CSMD1: variants seen among roughly 807,000 people sequenced by gnomAD.
CSMD1 encodes the protein CUB and Sushi multiple domains 1, also known as CUB and sushi domain-containing protein 1.
In CSMD1, 213 loss-of-function variants were observed where a neutral mutation model predicts 417.5. The observed-to-expected ratio is 0.51, with a 90% CI of 0.46 to 0.57. CSMD1 has a LOEUF of 0.57. Among genes scored for constraint, CSMD1 ranks in the 20% least tolerant of loss-of-function variants. The pLI is 0.00. For synonymous variants in CSMD1, 2,862 were observed against 1,736.8 expected (o/e 1.65, Z -16.11); for missense variants, 6,923 against 4,529.7 (o/e 1.53, Z -15.17).
At chr8:4,090,709 G>C (rs532186982) in intron 3 of CSMD1, among the ~76,000 whole-genome samples, 1 of 152,128 alleles carries the variant, frequency 6.6e-6, no homozygotes, top group African/African-American at 2.4e-5. Context: ...TTCTAGTGGA[G>C]TTTTAAATCA....
intron 1 of CSMD1, among the ~76,000 whole-genome samples, chr8:4,676,602 T>C (rs1326246499): frequency 6.6e-6 from 1 of 152,202 alleles, no homozygotes; most frequent in African/African-American, 2.4e-5. Context: ...AACGGACTTC[T>C]TATCTCCATT....
In CSMD1 at chr8:4,013,066, A is replaced by G. The variant is rs566094745; in HGVS notation, c.611-14956T>C. ...CCTTCTCAGCTTATGTTCTTTTCTC[A>G]TAAGTAGCCAGAGTAATCCTCTCAA... On this transcript the variant is annotated intron_variant, in intron 4 of 69. Transcript: ENST00000635120. Among the ~76,000 whole-genome samples, 27 of 152,120 alleles carry G rather than the reference A, an allele frequency of 1.8e-4. No homozygotes were observed. In the South Asian group the frequency reaches 5.2e-3, roughly 29 times the overall value.
rs376812248 is a variant in CSMD1 at position 3,409,402 on chromosome 8, A to G, written c.1744+21T>C. The G allele has an allele frequency of 1.9e-5, 30 of 1,589,310 alleles. No individual in the cohort carries two copies. The African/African-American group carries it at 4.0e-4, about 21-fold the overall frequency. On this transcript the variant is annotated intron_variant, in intron 13 of 69. Coordinates refer to ENST00000635120, the MANE Select transcript of CSMD1 (RefSeq NM_033225.6). ...ATCCTTGCAGGACAGGAGGGAGTCCAGGTCAAGGCATAATACTCACATACA... is the reference window on the plus strand; with the variant it reads ...ATCCTTGCAGGACAGGAGGGAGTCCGGGTCAAGGCATAATACTCACATACA...
At chr8:3,521,595 T>C (rs1252059712) in intron 10 of CSMD1, among the ~76,000 whole-genome samples, 1 of 152,220 alleles carries the variant, frequency 6.6e-6, no homozygotes, top group East Asian at 1.9e-4. Flanking sequence ...TTGCTCCTTC[T>C]TGGTGTTTAG....
intron 54 of CSMD1, among the ~76,000 whole-genome samples, chr8:2,981,993 A>G (rs1242080719): frequency 1.3e-5 from 2 of 152,008 alleles, no homozygotes; most frequent in East Asian, 1.9e-4. Flanking sequence ...TCATTAAGCT[A>G]TTTTCTCTAC....
At chr8:3,899,234 T>G (rs929024164) in intron 5 of CSMD1, among the ~76,000 whole-genome samples, 1 of 152,052 alleles carries the variant, frequency 6.6e-6, no homozygotes, top group African/African-American at 2.4e-5. Context: ...CACAGGAAAG[T>G]TGGCACCAGT....
At chr8:3,658,484 A>ATATAT (rs1554502347) in intron 7 of CSMD1, among the ~76,000 whole-genome samples, 4 of 143,120 alleles carry the variant, frequency 2.8e-5, no homozygotes, top group South Asian at 2.2e-4. Flanking sequence ...ATATATATTT[A>ATATAT]ATTTAAAGCT....
At chr8:4,215,724 G>A (rs1405427937) in intron 3 of CSMD1, among the ~76,000 whole-genome samples, 1 of 152,008 alleles carries the variant, frequency 6.6e-6, no homozygotes, top group Admixed American at 6.6e-5. Flanking sequence ...ATGTACATGT[G>A]AATCTTCATG....
chr8:3,872,582 G>C (rs565055894), intron 5 of CSMD1, among the ~76,000 whole-genome samples: 1 of 152,266 alleles, frequency 6.6e-6, no homozygotes, highest in South Asian at 2.1e-4. Flanking sequence ...TTGCTTGATA[G>C]AGTTCAGTAA....
intron 6 of CSMD1, among the ~76,000 whole-genome samples, chr8:3,750,662 G>C (rs1295229971): frequency 2.6e-5 from 4 of 152,078 alleles, no homozygotes; most frequent in Non-Finnish European, 5.9e-5. Context: ...TGTTTTCCCT[G>C]CTTGACAGAA....
chr8:4,467,056 A>T (rs1412064625), intron 2 of CSMD1, among the ~76,000 whole-genome samples: 1 of 151,762 alleles, frequency 6.6e-6, no homozygotes, highest in Admixed American at 6.6e-5. Context: ...CAGAACAATT[A>T]AAAGAAGTGA....
chr8:4,256,630 A>T (rs975264761), intron 3 of CSMD1, among the ~76,000 whole-genome samples: 8 of 152,196 alleles, frequency 5.3e-5, no homozygotes, highest in African/African-American at 1.7e-4. Context: ...AGTGAGACCC[A>T]TGAAAGGGGG....
intron 2 of CSMD1, among the ~76,000 whole-genome samples, chr8:4,456,794 G>A (rs747766941): frequency 3.9e-5 from 6 of 152,112 alleles, no homozygotes; most frequent in Middle Eastern, 3.4e-3. Flanking sequence ...GAGGTAAGCT[G>A]AAGAAGCTAC....
At chr8:4,174,092 G>C (rs919293441) in intron 3 of CSMD1, among the ~76,000 whole-genome samples, 2 of 152,152 alleles carry the variant, frequency 1.3e-5, no homozygotes, top group African/African-American at 4.8e-5. Flanking sequence ...CAACATCAGG[G>C]AGACTCACAG....
chr8:3,099,257 A>G (rs1413721619), intron 46 of CSMD1, among the ~76,000 whole-genome samples: 1 of 151,748 alleles, frequency 6.6e-6, no homozygotes, highest in Admixed American at 6.6e-5. Context: ...CTTTACCTAC[A>G]CCCTCCTGTA....
chr8:4,542,446 C>A (rs1014263901), intron 2 of CSMD1, among the ~76,000 whole-genome samples: 1 of 152,136 alleles, frequency 6.6e-6, no homozygotes, highest in South Asian at 2.1e-4. Flanking sequence ...GAACACAGTT[C>A]TGAGAACAAT....
chr8:3,814,629 T>G (rs1338280252), intron 5 of CSMD1, among the ~76,000 whole-genome samples: 1 of 152,156 alleles, frequency 6.6e-6, no homozygotes, highest in Non-Finnish European at 1.5e-5. Context: ...CAGAACGGCC[T>G]CCCAAACAAA....
At chr8:3,757,864 C>CAAACAAAA (rs547237348) in intron 5 of CSMD1, among the ~76,000 whole-genome samples, 1 of 151,120 alleles carries the variant, frequency 6.6e-6, no homozygotes, top group Non-Finnish European at 1.5e-5. Context: ...AACAAACAAA[C>CAAACAAAA]AAACAAAAAA....
chr8:3,143,907 A>G (rs1019614430), intron 40 of CSMD1, among the ~76,000 whole-genome samples: 6 of 152,248 alleles, frequency 3.9e-5, no homozygotes, highest in Non-Finnish European at 7.3e-5. Flanking sequence ...AGAGGGCAGT[A>G]CTTTGTAAAA....
Sources: allele counts gnomAD v4.1 joint callset (sites outside exome capture counted in the v4.1 genomes callset), GRCh38; gene constraint gnomAD v4.1.1; transcripts MANE v1.5; gene names NCBI Gene and HGNC (gene_info 2026-07-23, HGNC 2026-07-21).